Variants in THNSL2 observed in about 807,000 individuals in gnomAD.
The protein encoded by THNSL2 is threonine synthase like 2.
A neutral mutation model predicts 40.0 loss-of-function variants in THNSL2; 34 were observed. The ratio of observed to expected loss-of-function variants is 0.85; its 90% CI spans 0.65 to 1.13. THNSL2 has a LOEUF of 1.13. Among genes scored for constraint, THNSL2 ranks in the 50% most tolerant of loss-of-function variants. The pLI is 0.00. For missense variants in THNSL2, 537 were observed against 608.8 expected, an observed-to-expected ratio of 0.88 and a Z score of 1.24; for synonymous variants, 241 against 247.5, an observed-to-expected ratio of 0.97 and a Z score of 0.25.
intron 3 of THNSL2, 90 bp from the exon 4 acceptor site, chr2:88,175,159 A>G: frequency 1.4e-6 from 2 of 1,389,604 alleles, no homozygotes; most frequent in Non-Finnish European, 9.8e-7. Flanking sequence ...AGATGTTGCT[A>G]TATTTGACAA....
chr2:88,173,114 G>A (rs1373311470), intron 1 of THNSL2, 25 bp from the exon 2 acceptor site: 2 of 1,460,744 alleles, frequency 1.4e-6, no homozygotes. Context: ...GAGACCAGGT[G>A]CTTCTGGGAC....
chr2:88,174,492 C>T, intron 2 of THNSL2, 147 bp from the exon 3 acceptor site: 1 of 763,144 alleles, frequency 1.3e-6, no homozygotes, highest in Non-Finnish European at 2.1e-6. Context: ...TAGGTTTTTA[C>T]AATTGTATTC....
At chr2:88,182,902 G>T in intron 6 of THNSL2, 46 bp from the exon 7 acceptor site, 1 of 1,612,178 alleles carries the variant, frequency 6.2e-7, no homozygotes, top group Non-Finnish European at 8.5e-7. Context: ...GGTGGGGCTC[G>T]ATGGGGCTGA....
rs1365614378 is a variant in THNSL2 at position 88,173,349 on chromosome 2, C to A, written c.199C>A (p.Leu67Ile). Residue 67 changes from leucine to isoleucine, a missense_variant, in exon 2 of 9, where the codon CTC becomes ATC. Coordinates refer to ENST00000674334, the MANE Select transcript of THNSL2 (RefSeq NM_018271.5). ...ELCALFIGSE[L>I]LPKDELNDLI... ...GTGTGCCCTCTTCATTGGCTCTGAG[C>A]TCCTTCCAAAAGATGAATTAAATGG... is the stretch of plus-strand genomic sequence containing the variant. The A allele has an allele frequency of 6.2e-7, 1 of 1,608,066 alleles. No homozygotes were observed.
rs769684625 is a variant in THNSL2 at position 88,185,417 on chromosome 2, G to A, written c.1167G>A (p.Leu389=). Residue 389 remains leucine, a synonymous_variant, in exon 8 of 9, where the codon CTG becomes CTA. Transcript: ENST00000674334. ...GCTGGGATGAGAACCAGTACTTGCT[G>A]TGCCCCCACTCAGCGGTGGCCGTGA... The part of the protein sequence containing the change: ...GRCWDENQYL[L]CPHSAVAVNY... The A allele has an allele frequency of 6.2e-7, 1 of 1,614,046 alleles. No individual in the cohort carries two copies. The highest frequency in any genetic ancestry group is 8.5e-7 in the Non-Finnish European group (1 of 1,180,008).
intron 4 of THNSL2, among the ~76,000 whole-genome samples, chr2:88,177,635 C>T (rs985078323): frequency 9.9e-5 from 15 of 152,216 alleles, no homozygotes; most frequent in Non-Finnish European, 2.1e-4. Flanking sequence ...AACCCAGGTC[C>T]TTCCCATTCT....
chr2:88,177,081 G>A (rs1187534869), intron 4 of THNSL2: 2 of 152,232 alleles, frequency 1.3e-5, no homozygotes, highest in East Asian at 3.8e-4. Context: ...ACAGTGCCCA[G>A]TTGTAAAGTA....
Position 88,175,315 on chromosome 2 carries a change from T to C in THNSL2, c.485T>C (p.Ile162Thr), listed in dbSNP as rs766247426. 1 of 1,614,186 alleles carries C rather than the reference T, an allele frequency of 6.2e-7. No individual in the cohort carries two copies. The highest frequency in any genetic ancestry group is 1.1e-5 in the South Asian group (1 of 91,082). ...SVQGAKNMDI[I>T]VLLPKGHCTK... The stretch of plus-strand genomic sequence containing the variant: ...CAAGGGGCAAAGAACATGGACATTA[T>C]CGTTCTGCTGCCCAAAGGTCACTGC... The change falls in exon 4 of 9, where the codon ATC becomes ACC. Residue 162 changes from isoleucine to threonine, a missense_variant. Physicochemically the swap from Ile to Thr is moderately conservative, Grantham distance 89 (BLOSUM62 -1). Transcript: ENST00000674334.
chr2:88,186,207 C>T lies in THNSL2; in HGVS notation c.*84C>T, dbSNP rs1678278574. 8 of 1,376,452 alleles carry T rather than the reference C, an allele frequency of 5.8e-6. No homozygotes were observed. The South Asian group carries it at 6.5e-5, about 11-fold the overall frequency. The allele number at this position is 1,376,452 out of a possible 1,614,324, so 85.3% of individuals were successfully genotyped here. ...TGCCTTGTGCACCCTCCCCATTAAG[C>T]GTAGGTTAGGAGGTTTCCGGGAGGC... On this transcript the variant is annotated 3_prime_UTR_variant, in exon 9 of 9. Transcript: ENST00000674334.
rs1345037691 is a variant in THNSL2, at chr2:88,174,766, G to T, written c.351G>T (p.Leu117=). ...CATATGCATTTAAGGACCTGTCCCT[G>T]TCCTGCACAACACAGTTCCTGCAGT... The part of the protein sequence containing the change: ...GVTYAFKDLS[L]SCTTQFLQYF... Residue 117 remains leucine, a synonymous_variant, in exon 3 of 9, where the codon CTG becomes CTT. Transcript: ENST00000674334. 2 of 1,614,094 alleles carry T rather than the reference G, an allele frequency of 1.2e-6. No individual in the cohort carries two copies. The highest frequency in any genetic ancestry group is 1.7e-6 in the Non-Finnish European group (2 of 1,180,052).
At position 88,173,243 on chromosome 2, in the gene THNSL2, G is replaced by C. The variant is rs1435314427; in HGVS notation, c.93G>C (p.Met31Ile). Residue 31 changes from methionine (M) to isoleucine (I), a missense_variant, in exon 2 of 9, where the codon ATG becomes ATC. By Grantham distance (10) the Met-to-Ile change is conservative. Coordinates refer to ENST00000674334, the MANE Select transcript of THNSL2 (RefSeq NM_018271.5). ...ATGCACCTGACGGGGGCCTCTTTAT[G>C]CCTGAAGAGCTCCCACAGTTGGACA... ...SGYAPDGGLF[M>I]PEELPQLDRG... The C allele has an allele frequency of 1.2e-6, 2 of 1,611,972 alleles. No homozygotes were observed. Among genetic ancestry groups the C allele is most frequent in the Non-Finnish European group, 1.7e-6 (2 of 1,179,866 alleles).
At chr2:88,173,473 A>G (rs890129354) in intron 2 of THNSL2, 100 bp downstream of exon 2, 2 of 822,538 alleles carry the variant, frequency 2.4e-6, no homozygotes, top group Non-Finnish European at 3.3e-6. Context: ...CTCTAGTCAC[A>G]TTTCTTCTCA....
intron 5 of THNSL2, 110 bp downstream of exon 5, chr2:88,179,123 G>C: frequency 9.1e-7 from 1 of 1,104,188 alleles, no homozygotes; most frequent in Non-Finnish European, 1.3e-6. Flanking sequence ...TGGAGTCCCA[G>C]TTCTGAAGGT....
At chr2:88,175,478 C>A in intron 4 of THNSL2, 77 bp downstream of exon 4, 3 of 1,557,352 alleles carry the variant, frequency 1.9e-6, no homozygotes, top group Non-Finnish European at 2.6e-6. Flanking sequence ...TGGACTGGAA[C>A]AAAATTGCAC....
Position 88,182,976 on chromosome 2 carries a change from G to A in THNSL2, c.980G>A (p.Trp327Ter). 1.9e-6 allele frequency: 3 copies of A among 1,614,122 alleles called. No homozygotes were observed. Among genetic ancestry groups the A allele is most frequent in the Non-Finnish European group, 2.5e-6 (3 of 1,180,024 alleles). The change falls in exon 7 of 9, where the codon TGG becomes TAG. Residue 327 changes from tryptophan to a stop codon, truncating the protein, a stop_gained. Transcript: ENST00000674334. LOFTEE classifies it high-confidence loss of function. Reference protein sequence around the residue: ...QVPYNMERVFWLLSGSDSQVT... With the variant: ...QVPYNMERVF ...CCCTACAACATGGAGAGGGTGTTCT[G>A]GCTGCTCTCTGGCTCTGACAGCCAG...
At chr2:88,184,284 C>T (rs1408938917) in intron 7 of THNSL2, among the ~76,000 whole-genome samples, 4 of 152,152 alleles carry the variant, frequency 2.6e-5, no homozygotes, top group African/African-American at 7.2e-5. Context: ...CCATACCTCC[C>T]ACTCCTTCAT....
At position 88,178,990 on chromosome 2, in the gene THNSL2, CAG is replaced by C. The variant is rs755377088; in HGVS notation, c.780_781del (p.Ala262CysfsTer3). The stretch of plus-strand genomic sequence containing the variant: ...CCCCTGGTGGAGGTGGTTGTGCCAA[CAG>C]GGGCTGCCGGTAACCTTGCAGGTAA... On this transcript the variant is annotated frameshift_variant, in exon 5 of 9. Transcript: ENST00000674334. LOFTEE classifies it high-confidence loss of function. The C allele has an allele frequency of 1.2e-6, 2 of 1,614,210 alleles. No individual in the cohort carries two copies. The highest frequency in any genetic ancestry group is 2.7e-5 in the African/African-American group (2 of 75,068).
chr2:88,178,780 C>T lies in THNSL2; in HGVS notation c.572-3C>T. On this transcript the variant is annotated splice_polypyrimidine_tract_variant and splice_region_variant and intron_variant, in intron 4 of 8. Transcript: ENST00000674334. ...AGCTGCCCTCTTCTCTCCCCCCTGG[C>T]AGTGGAGGGAAACAGCGATGAGCTC... is the stretch of plus-strand genomic sequence containing the variant. 6.2e-7 allele frequency: 1 copy of T among 1,614,030 alleles called. No homozygotes were observed. Among genetic ancestry groups the T allele is most frequent in the Non-Finnish European group, 8.5e-7 (1 of 1,179,914 alleles).
chr2:88,174,936 G>C (rs912919710), intron 3 of THNSL2, 103 bp downstream of exon 3: 9 of 1,351,462 alleles, frequency 6.7e-6, no homozygotes, highest in Non-Finnish European at 9.2e-6. Context: ...TGTGGTACTG[G>C]TTCTTCCAGA....
Sources: gnomAD v4.1 joint callset for allele counts (sites outside exome capture counted in the v4.1 genomes callset) on GRCh38, gnomAD v4.1.1 for gene constraint, MANE v1.5 for transcripts, NCBI Gene and HGNC (gene_info 2026-07-23, HGNC 2026-07-21) for gene names.